The following AKAP19 variants were observed in gnomAD, a reference collection of about 807,000 sequenced individuals.
AKAP19 encodes small A-kinase anchoring protein.
chr2:190,089,591 C>A, the AKAP19 span: 1 of 152,124 alleles, frequency 6.6e-6, no homozygotes, highest in South Asian at 2.1e-4. Flanking sequence ...TAGACTAGTT[C>A]ATATATCCAA....
At chr2:190,066,383 G>T in the AKAP19 span, among the ~76,000 whole-genome samples, 31 of 152,302 alleles carry the variant, frequency 2.0e-4, no homozygotes, top group Middle Eastern at 6.8e-3. Flanking sequence ...CTTGCCGGAA[G>T]TTTAATGATC....
At chr2:190,103,573 C>T in the AKAP19 span, among the ~76,000 whole-genome samples, 1 of 152,156 alleles carries the variant, frequency 6.6e-6, no homozygotes, top group Admixed American at 6.5e-5. Context: ...AAATCAAGAA[C>T]ACAGTCCATT....
At chr2:189,938,004 A>C in the AKAP19 span, among the ~76,000 whole-genome samples, 1 of 152,184 alleles carries the variant, frequency 6.6e-6, no homozygotes, top group Non-Finnish European at 1.5e-5. Context: ...ATTTAGAAGG[A>C]ACCTAAGTGT....
chr2:189,925,012 C>T, the AKAP19 span, among the ~76,000 whole-genome samples: 1 of 152,126 alleles, frequency 6.6e-6, no homozygotes. Context: ...CTGTCCTAGA[C>T]AATAATCTCT....
chr2:190,001,113 G>A, the AKAP19 span, among the ~76,000 whole-genome samples: 1 of 152,066 alleles, frequency 6.6e-6, no homozygotes, highest in Non-Finnish European at 1.5e-5. Flanking sequence ...CTCCTATAGT[G>A]AATTTTAGTT....
chr2:190,171,071 C>A, the AKAP19 span, among the ~76,000 whole-genome samples: 1 of 152,084 alleles, frequency 6.6e-6, no homozygotes, highest in Non-Finnish European at 1.5e-5. Context: ...TAATTTAGTT[C>A]AAAACCAGGA....
At chr2:189,978,638 G>A in the AKAP19 span, among the ~76,000 whole-genome samples, 2 of 152,150 alleles carry the variant, frequency 1.3e-5, no homozygotes, top group African/African-American at 2.4e-5. Context: ...TAAAAAATAA[G>A]TGAAAACATG....
chr2:189,885,437 T>C, the AKAP19 span, among the ~76,000 whole-genome samples: 1 of 152,248 alleles, frequency 6.6e-6, no homozygotes, highest in Non-Finnish European at 1.5e-5. Flanking sequence ...TCAGCTCTGG[T>C]GCCAGACATT....
the AKAP19 span, among the ~76,000 whole-genome samples, chr2:190,103,357 A>G: frequency 2.0e-5 from 3 of 152,226 alleles, no homozygotes; most frequent in Non-Finnish European, 4.4e-5. Context: ...CGGAAGAGAA[A>G]AAAATCAAAA....
chr2:190,011,050 CTTTTTTT>C, the AKAP19 span, among the ~76,000 whole-genome samples: 5 of 59,552 alleles, frequency 8.4e-5, no homozygotes, highest in African/African-American at 1.6e-4. Context: ...CTCTCTCTCT[CTTTTTTT>C]TTTTTTTTTT....
At chr2:190,121,113 C>CTT in the AKAP19 span, among the ~76,000 whole-genome samples, 11,582 of 133,550 alleles carry the variant, frequency 0.087, 701 homozygotes, top group Non-Finnish European at 0.13. Flanking sequence ...AAATCTAAGT[C>CTT]TTTTTTTTTT....
chr2:189,893,738 C>G, the AKAP19 span, among the ~76,000 whole-genome samples: 1 of 151,894 alleles, frequency 6.6e-6, no homozygotes, highest in Non-Finnish European at 1.5e-5. Context: ...GTTCTGCATT[C>G]GTAAGTTCAA....
the AKAP19 span, among the ~76,000 whole-genome samples, chr2:190,106,142 A>G: frequency 6.6e-6 from 1 of 152,254 alleles, no homozygotes; most frequent in Non-Finnish European, 1.5e-5. Context: ...GGCATGTGAG[A>G]CATAATAATA....
At chr2:189,972,824 A>G in the AKAP19 span, among the ~76,000 whole-genome samples, 8 of 152,194 alleles carry the variant, frequency 5.3e-5, no homozygotes, top group Non-Finnish European at 8.8e-5. Context: ...ATTTTTGCAC[A>G]TTGATTTTGT....
At chr2:189,885,717 C>G in the AKAP19 span, among the ~76,000 whole-genome samples, 1 of 152,066 alleles carries the variant, frequency 6.6e-6, no homozygotes, top group African/African-American at 2.4e-5. Flanking sequence ...ATTCATCTGA[C>G]GTTTTCTACA....
At chr2:190,103,064 A>G in the AKAP19 span, among the ~76,000 whole-genome samples, 1 of 152,242 alleles carries the variant, frequency 6.6e-6, no homozygotes, top group Non-Finnish European at 1.5e-5. Context: ...GTGATTTACC[A>G]CATAAACAGA....
At chr2:189,988,356 T>C in the AKAP19 span, among the ~76,000 whole-genome samples, 1 of 152,202 alleles carries the variant, frequency 6.6e-6, no homozygotes, top group African/African-American at 2.4e-5. Flanking sequence ...AGAATGATGA[T>C]TGTTAATATT....
chr2:190,077,253 A>C, the AKAP19 span, among the ~76,000 whole-genome samples: 3 of 148,996 alleles, frequency 2.0e-5, no homozygotes, highest in African/African-American at 7.4e-5. Flanking sequence ...ATGAAGTCTC[A>C]CTCTGGAGTG....
chr2:190,121,962 GA>G, the AKAP19 span, among the ~76,000 whole-genome samples: 2 of 152,142 alleles, frequency 1.3e-5, no homozygotes, highest in African/African-American at 4.8e-5. Flanking sequence ...CTTTGAGGGG[GA>G]ATTTGTGAGT....
Sources: allele counts gnomAD v4.1 joint callset (sites outside exome capture counted in the v4.1 genomes callset), GRCh38; gene constraint gnomAD v4.1.1; transcripts MANE v1.5; gene names NCBI Gene and HGNC (gene_info 2026-07-23, HGNC 2026-07-21).